Variants in ANKHD1 observed in about 807,000 individuals in gnomAD.
The protein encoded by ANKHD1 is ankyrin repeat and KH domain containing 1, also known as ankyrin repeat and KH domain-containing protein 1.
In ANKHD1, 31 loss-of-function variants were observed where a neutral mutation model predicts 230.5. That is an observed-to-expected ratio of 0.13 (90% CI 0.10 to 0.18). ANKHD1 has a LOEUF of 0.18. ANKHD1 is among the 10% of genes least tolerant of loss of function. The pLI, the probability that ANKHD1 is intolerant of heterozygous loss-of-function variation, is 1.00. For missense variants in ANKHD1, 2,256 were observed against 3,071.3 expected (o/e 0.73, Z 6.27); for synonymous variants, 1,074 against 1,117.6 (o/e 0.96, Z 0.78).
intron 10 of ANKHD1, among the ~76,000 whole-genome samples, chr5:140,467,792 G>T (rs1174459447): frequency 1.3e-5 from 2 of 152,138 alleles, no homozygotes; most frequent in Non-Finnish European, 2.9e-5. Context: ...AAACCTCAGA[G>T]TAAAGCAGGC....
In ANKHD1 at chr5:140,526,515, T is replaced by C. The variant is rs928137229; in HGVS notation, c.4940+72T>C. On this transcript the variant is annotated intron_variant, in intron 26 of 33. Transcript: ENST00000360839. Reference sequence around the variant, plus strand: ...ATGCCTGGTACAAGAATTTGAAGTATATTAATCCAAGTACAAGTTGTGTTA... The same window carrying C: ...ATGCCTGGTACAAGAATTTGAAGTACATTAATCCAAGTACAAGTTGTGTTA... 4.0e-6 allele frequency: 6 copies of C among 1,506,634 alleles called. No individual in the cohort carries two copies. The South Asian group carries it at 6.7e-5, about 17-fold the overall frequency. The allele number at this position is 1,506,634 out of a possible 1,614,324, so 93.3% of individuals were successfully genotyped here. A position where few individuals can be genotyped will look rare whatever the true frequency, so the allele number is the denominator to read the frequency against.
At position 140,436,253 on chromosome 5, in the gene ANKHD1, A is replaced by G. The variant is rs1260343045; in HGVS notation, c.456A>G (p.Ala152=). ...CACGACTAGAAGCATTGCTAGAAGC[A>G]GCAGGTACTTTATTTTTTGTTTTAT... ...TQARLEALLE[A]AGIGKLSTAD... Residue 152 remains alanine (A), a synonymous_variant, in exon 2 of 34, where the codon GCA becomes GCG. Transcript: ENST00000360839. 10 of 1,554,820 alleles carry G rather than the reference A, an allele frequency of 6.4e-6. No homozygotes were observed. Among genetic ancestry groups the G allele is most frequent in the Non-Finnish European group, 8.7e-6 (10 of 1,155,408 alleles).
At chr5:140,488,192 T>C (rs1335522512) in intron 14 of ANKHD1, among the ~76,000 whole-genome samples, 1 of 152,208 alleles carries the variant, frequency 6.6e-6, no homozygotes, top group South Asian at 2.1e-4. Flanking sequence ...TATTTAAAGC[T>C]AAATGCCTCT....
chr5:140,462,529 C>T (rs1775775452), intron 9 of ANKHD1, among the ~76,000 whole-genome samples: 1 of 151,468 alleles, frequency 6.6e-6, no homozygotes, highest in Admixed American at 6.6e-5. Context: ...TCAAGACCAT[C>T]CTGGCTAACA....
intron 30 of ANKHD1, chr5:140,535,751 C>G: frequency 1.5e-6 from 1 of 646,948 alleles, no homozygotes; most frequent in Non-Finnish European, 2.2e-6. Flanking sequence ...TACAGTAGAA[C>G]TTGGATCAAG....
intron 10 of ANKHD1, among the ~76,000 whole-genome samples, chr5:140,480,421 G>A (rs997838071): frequency 1.3e-5 from 2 of 152,026 alleles, no homozygotes; most frequent in African/African-American, 4.8e-5. Context: ...AATCAGGGCT[G>A]AAAGCTTTGA....
intron 11 of ANKHD1, 46 bp downstream of exon 11, chr5:140,482,713 G>T: frequency 6.4e-7 from 1 of 1,572,506 alleles, no homozygotes; most frequent in Non-Finnish European, 8.6e-7. Flanking sequence ...ACAGTTTATG[G>T]AAAAAAAAAT....
At chr5:140,534,206 C>T (rs975904260) in intron 29 of ANKHD1, among the ~76,000 whole-genome samples, 3 of 152,104 alleles carry the variant, frequency 2.0e-5, no homozygotes, top group Admixed American at 6.6e-5. Context: ...TCCTGGCCAA[C>T]ATGGGGAAAC....
chr5:140,432,092 A>G (rs1773090673), intron 1 of ANKHD1, among the ~76,000 whole-genome samples: 1 of 152,180 alleles, frequency 6.6e-6, no homozygotes, highest in Non-Finnish European at 1.5e-5. Flanking sequence ...AAAAATTGAG[A>G]TATAATTCGT....
rs1417302539 is a variant in ANKHD1, at chr5:140,527,054, G to A, written c.5067G>A (p.Gly1689=). The A allele has an allele frequency of 5.6e-6, 9 of 1,612,620 alleles. No individual in the cohort carries two copies. The highest frequency in any genetic ancestry group is 8.5e-7 in the Non-Finnish European group (1 of 1,179,502). ...SPKRGQKREE[G]WKEVVRRSKK... is the part of the protein sequence containing the mutation. ...AAAGGGGTCAGAAAAGAGAAGAAGG[G>A]TGGAAAGAAGTTGTACGAAGGTAAA... Residue 1689 remains glycine, a synonymous_variant, in exon 27 of 34, where the codon GGG becomes GGA. Transcript: ENST00000360839. The surrounding 1 kb of genome is among the most constrained non-coding windows in gnomAD (Gnocchi z 4.5).
rs1032555276 is a variant in ANKHD1, at chr5:140,505,605, C to T, written c.3263-119C>T. On this transcript the variant is annotated intron_variant, in intron 17 of 33. Transcript: ENST00000360839. ...GGTTTAGAGCAGTTTTATGTTAACTCATTATCAGTGTCTGCCCTGAAGGAT... is the reference window on the plus strand; with the variant it reads ...GGTTTAGAGCAGTTTTATGTTAACTTATTATCAGTGTCTGCCCTGAAGGAT... The T allele has an allele frequency of 2.4e-5, 33 of 1,391,908 alleles. No homozygotes were observed. In the African/African-American group the frequency reaches 3.7e-4, roughly 15 times the overall value. 86.2% of individuals were successfully genotyped at this position (1,391,908 alleles called of 1,614,324 possible).
In ANKHD1 at chr5:140,485,397, AAC is replaced by A. The variant is rs55859898; in HGVS notation, c.1999-163_1999-162del. ...CATAAGGAGACCCCATCTCTATTAA[AAC>A]ACACACACACACACACACACACACA... On this transcript the variant is annotated intron_variant, in intron 12 of 33. Transcript: ENST00000360839. The surrounding 1 kb of genome is among the most constrained non-coding windows in gnomAD (Gnocchi z 4.8). 0.012 allele frequency: 7,899 copies of A among 662,002 alleles called. 11 individuals carry two copies. Among genetic ancestry groups the A allele is most frequent in the African/African-American group, 0.021 (1,097 of 51,564 alleles). The allele number at this position is 662,002 out of a possible 1,614,324, so 41.0% of individuals were successfully genotyped here. A position where few individuals can be genotyped will look rare whatever the true frequency, so the allele number is the denominator to read the frequency against.
At position 140,537,549 on chromosome 5, in the gene ANKHD1, A is replaced by G. The variant is rs748974111; in HGVS notation, c.7188A>G (p.Gly2396=). The part of the protein sequence containing the change: ...PAGTSFVAPV[G]HSGIWSFGVN... Reference sequence around the variant, plus strand: ...GGACCAGTTTTGTCGCTCCCGTTGGACACAGTGGAATCTGGTCATTTGGTG... The same window carrying G: ...GGACCAGTTTTGTCGCTCCCGTTGGGCACAGTGGAATCTGGTCATTTGGTG... The change falls in exon 31 of 34, where the codon GGA becomes GGG. Residue 2396 remains glycine, a synonymous_variant. Coordinates refer to ENST00000360839, the MANE Select transcript of ANKHD1 (RefSeq NM_017747.3). 1.9e-6 allele frequency: 3 copies of G among 1,607,792 alleles called. No homozygotes were observed. The East Asian group carries it at 6.7e-5, about 36-fold the overall frequency.
chr5:140,486,804 T>C, intron 13 of ANKHD1, 154 bp from the exon 14 acceptor site: 1 of 594,696 alleles, frequency 1.7e-6, no homozygotes, highest in Middle Eastern at 5.2e-4. Context: ...CAAAAATTAT[T>C]GCTTGGTGAA....
rs745441250 is a variant in ANKHD1, at chr5:140,438,420, T to A, written c.461-41T>A. On this transcript the variant is annotated intron_variant, in intron 2 of 33. Coordinates refer to ENST00000360839, the MANE Select transcript of ANKHD1 (RefSeq NM_017747.3). Reference sequence around the variant, plus strand: ...AATTTGCACTTTTATACTTTTTTTTTTGTTGTTCTGCACTACCTGATTGAT... The same window carrying A: ...AATTTGCACTTTTATACTTTTTTTTATGTTGTTCTGCACTACCTGATTGAT... 4 of 1,483,522 alleles carry A rather than the reference T, an allele frequency of 2.7e-6. No homozygotes were observed. In the African/African-American group the frequency reaches 5.6e-5, roughly 21 times the overall value. The allele number at this position is 1,483,522 out of a possible 1,614,324, so 91.9% of individuals were successfully genotyped here.
chr5:140,531,111 G>C lies in ANKHD1; in HGVS notation c.6850+1315G>C, dbSNP rs114734930. ...TAATATAGACTTTGAGAAGCCCCAG[G>C]GTGAAAGAAGAGCTCATTTCCAGTA... On this transcript the variant is annotated intron_variant, in intron 29 of 33. Coordinates refer to ENST00000360839, the MANE Select transcript of ANKHD1 (RefSeq NM_017747.3). Among the ~76,000 whole-genome samples the C allele has an allele frequency of 2.0e-3, 309 of 152,180 alleles. 2 individuals carry two copies. Among genetic ancestry groups the C allele is most frequent in the African/African-American group, 7.1e-3 (295 of 41,496 alleles).
chr5:140,479,071 T>C (rs946524023), intron 10 of ANKHD1, among the ~76,000 whole-genome samples: 2 of 152,054 alleles, frequency 1.3e-5, no homozygotes, highest in Non-Finnish European at 2.9e-5. Flanking sequence ...CGATCTTGGC[T>C]CGCTGCAAGC....
At chr5:140,456,336 C>T (rs1438364419) in intron 7 of ANKHD1, among the ~76,000 whole-genome samples, 2 of 152,050 alleles carry the variant, frequency 1.3e-5, no homozygotes, top group Admixed American at 6.6e-5. Context: ...CCAATGACTT[C>T]CTTCACAGAA....
At chr5:140,419,454 CTTTTTTTTT>C (rs144115557) in intron 1 of ANKHD1, among the ~76,000 whole-genome samples, 1,632 of 131,638 alleles carry the variant, frequency 0.012, 13 homozygotes, top group South Asian at 0.022. Context: ...TTCTTTCTTT[CTTTTTTTTT>C]TTTTTTTTTT....
Sources: gnomAD v4.1 joint callset for allele counts (sites outside exome capture counted in the v4.1 genomes callset) on GRCh38, gnomAD v4.1.1 for gene constraint, Gnocchi (gnomAD v3.1) non-coding constraint, MANE v1.5 for transcripts, NCBI Gene and HGNC (gene_info 2026-07-23, HGNC 2026-07-21) for gene names.